The following FOXP2 variants were observed in gnomAD, a reference collection of about 807,000 sequenced individuals.
FOXP2 encodes forkhead box protein P2.
Under a neutral mutation model 115.8 loss-of-function variants are expected in FOXP2, and 12 were observed. That is an observed-to-expected ratio of 0.10 (90% confidence interval 0.07 to 0.17). The LOEUF is 0.17. Ranked by LOEUF, FOXP2 falls within the 10% of genes least tolerant of loss-of-function variation. The pLI, the probability that FOXP2 is intolerant of heterozygous loss-of-function variation, is 1.00. For synonymous variants in FOXP2, 328 were observed against 297.7 expected (o/e 1.10, Z -1.05); for missense variants, 629 against 843.5 (o/e 0.75, Z 3.15).
At chr7:114,445,992 T>G (rs191713384) in intron 2 of FOXP2, among the ~76,000 whole-genome samples, 2 of 152,222 alleles carry the variant, frequency 1.3e-5, no homozygotes, top group Non-Finnish European at 2.9e-5. Flanking sequence ...TCACCTTCAT[T>G]CTGACTCATA....
chr7:114,463,499 G>A (rs745610856), intron 2 of FOXP2, among the ~76,000 whole-genome samples: 13 of 152,192 alleles, frequency 8.5e-5, no homozygotes, highest in Non-Finnish European at 1.9e-4. Flanking sequence ...TGTGGCTAAT[G>A]GCAAACATGT....
At chr7:114,271,634 A>G (rs1181195396) in intron 1 of FOXP2, among the ~76,000 whole-genome samples, 5 of 121,944 alleles carry the variant, frequency 4.1e-5, no homozygotes, top group Non-Finnish European at 8.0e-5. Context: ...TATTATTAAT[A>G]TAATTATTAA....
At chr7:114,141,064 G>A (rs1792193747) in intron 1 of FOXP2, among the ~76,000 whole-genome samples, 2 of 152,310 alleles carry the variant, frequency 1.3e-5, no homozygotes, top group Admixed American at 6.5e-5. Flanking sequence ...TGGTGGGAGA[G>A]TGTCTCTACA....
rs112125327 is a variant in FOXP2, at chr7:114,096,886, A to C, written c.-247+9048A>C. Among the ~76,000 whole-genome samples the C allele has an allele frequency of 4.1e-3, 618 of 152,294 alleles. 4 individuals are homozygous for C. Among genetic ancestry groups the C allele is most frequent in the African/African-American group, 0.014 (595 of 41,578 alleles). On this transcript the variant is annotated intron_variant, in intron 1 of 19. Coordinates refer to the FOXP2 transcript ENST00000635638. The stretch of plus-strand genomic sequence containing the variant: ...TATGGGAGGATATTTTAAAAATAGA[A>C]TGTGAATGAGTAGTTTTATGTTTAC...
At chr7:114,235,168 T>C (rs2129166531) in intron 1 of FOXP2, among the ~76,000 whole-genome samples, 2 of 152,320 alleles carry the variant, frequency 1.3e-5, no homozygotes, top group South Asian at 4.1e-4. Context: ...TACTTGTTGA[T>C]GAATAAATGC....
At chr7:114,448,156 G>T (rs1255151388) in intron 2 of FOXP2, among the ~76,000 whole-genome samples, 2 of 152,154 alleles carry the variant, frequency 1.3e-5, no homozygotes, top group East Asian at 3.9e-4. Flanking sequence ...TATTTTAGTT[G>T]TAATTGTTGT....
At chr7:114,440,302 CAT>C (rs1794544787) in intron 2 of FOXP2, among the ~76,000 whole-genome samples, 1 of 152,106 alleles carries the variant, frequency 6.6e-6, no homozygotes, top group South Asian at 2.1e-4. Context: ...ATAATTAAAA[CAT>C]GTAATTATTT....
rs115211090 is a variant in FOXP2, at chr7:114,398,018, A to T, written c.-10-28484A>T. 8.9e-3 allele frequency among the ~76,000 whole-genome samples: 1,354 copies of T among 152,132 alleles called. 20 individuals are homozygous for T. Among genetic ancestry groups the T allele is most frequent in the African/African-American group, 0.031 (1,291 of 41,514 alleles). On this transcript the variant is annotated intron_variant, in intron 2 of 17. Transcript: ENST00000634411. ...CTTTTTTTCTCTCTTGAGAAATTCG[A>T]TGGAGAGTGGCTGCATTAACCAAGA...
chr7:114,383,823 C>G (rs1792371491), intron 2 of FOXP2, among the ~76,000 whole-genome samples: 1 of 152,160 alleles, frequency 6.6e-6, no homozygotes, highest in African/African-American at 2.4e-5. Context: ...GCCAGCACCC[C>G]TAGTTATTTT....
chr7:114,354,899 C>T (rs762135453), intron 2 of FOXP2, among the ~76,000 whole-genome samples: 2 of 152,156 alleles, frequency 1.3e-5, no homozygotes, highest in Non-Finnish European at 2.9e-5. Flanking sequence ...TTGATGTACA[C>T]ATTTATTGAC....
At chr7:114,463,667 G>T (rs1431081177) in intron 2 of FOXP2, among the ~76,000 whole-genome samples, 1 of 152,092 alleles carries the variant, frequency 6.6e-6, no homozygotes, top group African/African-American at 2.4e-5. Flanking sequence ...CAATTAAAAT[G>T]CAAATCAACA....
At chr7:114,670,673 C>T (rs977388546) in intron 16 of FOXP2, among the ~76,000 whole-genome samples, 2 of 152,050 alleles carry the variant, frequency 1.3e-5, no homozygotes, top group African/African-American at 4.8e-5. Context: ...TCCTTCTATT[C>T]TCTTTGGCTG....
intron 1 of FOXP2, among the ~76,000 whole-genome samples, chr7:114,423,978 A>G (rs1406733951): frequency 2.0e-5 from 3 of 151,502 alleles, no homozygotes; most frequent in Non-Finnish European, 4.4e-5. Context: ...TATCACTGTT[A>G]TAGTTTTCTT....
chr7:114,449,903 C>A lies in FOXP2; in HGVS notation c.168+23224C>A, dbSNP rs572251169. Among the ~76,000 whole-genome samples, 15 of 152,090 alleles carry A rather than the reference C, an allele frequency of 9.9e-5. 1 individual carries two copies. In the South Asian group the frequency reaches 1.5e-3, roughly 15 times the overall value. On this transcript the variant is annotated intron_variant, in intron 2 of 16. Transcript: ENST00000350908. ...AATCCATATAAATGTCATTATTATT[C>A]TATTAAGAAGGCCTTCCTATTATTA...
At chr7:114,507,343 A>G (rs569597865) in intron 2 of FOXP2, among the ~76,000 whole-genome samples, 29 of 152,056 alleles carry the variant, frequency 1.9e-4, no homozygotes, top group African/African-American at 6.3e-4. Context: ...TAATGTTGCA[A>G]TGACAACTAC....
At chr7:114,205,668 T>A (rs1461733662) in intron 1 of FOXP2, among the ~76,000 whole-genome samples, 3 of 152,046 alleles carry the variant, frequency 2.0e-5, no homozygotes, top group Non-Finnish European at 4.4e-5. Context: ...AGATCAAACC[T>A]TTGGAAGGGA....
intron 2 of FOXP2, among the ~76,000 whole-genome samples, chr7:114,293,864 C>G (rs529522000): frequency 1.3e-5 from 2 of 151,986 alleles, no homozygotes; most frequent in Middle Eastern, 3.2e-3. Context: ...TTCATAGGAG[C>G]GTGAGAACAG....
intron 2 of FOXP2, among the ~76,000 whole-genome samples, chr7:114,382,848 A>C (rs1280096961): frequency 6.6e-6 from 1 of 152,160 alleles, no homozygotes; most frequent in African/African-American, 2.4e-5. Flanking sequence ...GAAAGGCAGT[A>C]GAATTTTCTT....
chr7:114,385,050 CT>C (rs764114807), intron 2 of FOXP2, among the ~76,000 whole-genome samples: 43 of 151,892 alleles, frequency 2.8e-4, no homozygotes, highest in African/African-American at 2.4e-4. Flanking sequence ...CTCTCCCCCC[CT>C]CTCTCTCTAA....
Sources: allele counts gnomAD v4.1 joint callset (sites outside exome capture counted in the v4.1 genomes callset), GRCh38; gene constraint gnomAD v4.1.1; transcripts MANE v1.5; gene names NCBI Gene and HGNC (gene_info 2026-07-23, HGNC 2026-07-21).